The following DNAAF4 variants were observed in gnomAD, a reference collection of about 807,000 sequenced individuals.
The protein encoded by DNAAF4 is dynein axonemal assembly factor 4, also known as dynein assembly factor 4, axonemal.
In DNAAF4, 43 loss-of-function variants were observed where a neutral mutation model predicts 51.8. The observed-to-expected ratio is 0.83, with a 90% confidence interval of 0.65 to 1.07. The LOEUF (loss-of-function observed/expected upper bound fraction) is 1.07, where lower values mean the gene tolerates loss of function less well. Ranked by LOEUF, DNAAF4 falls within the 50% of genes least tolerant of loss-of-function variation. The pLI is 0.00. For synonymous variants in DNAAF4, 194 were observed against 165.6 expected, an observed-to-expected ratio of 1.17 and a Z score of -1.32; for missense variants, 581 against 493.0, an observed-to-expected ratio of 1.18 and a Z score of -1.69.
chr15:55,457,956 G>A (rs1439968089), intron 5 of DNAAF4, among the ~76,000 whole-genome samples: 2 of 152,158 alleles, frequency 1.3e-5, no homozygotes, highest in Non-Finnish European at 2.9e-5. Context: ...CTGCAGTCTG[G>A]CTCTCAGGAA....
rs374848879 is a variant in DNAAF4 at position 55,430,757 on chromosome 15, T to C, written c.1176A>G (p.Ala392=). The C allele has an allele frequency of 1.1e-5, 17 of 1,613,242 alleles. No homozygotes were observed. In the African/African-American group the frequency reaches 2.1e-4, roughly 20 times the overall value. ...TTTTGTTGGATGGATCAATCTTAAG[T>C]GCCGCTTCATAATCCTGTAGGCCTG... The part of the protein sequence containing the change: ...YVEGLQDYEA[A]LKIDPSNKIV... The change falls in exon 10 of 10, where the codon GCA becomes GCG. Residue 392 remains alanine, a synonymous_variant. Transcript: ENST00000321149.
intron 4 of DNAAF4, among the ~76,000 whole-genome samples, chr15:55,487,129 G>C (rs1277223987): frequency 2.6e-5 from 4 of 152,178 alleles, no homozygotes; most frequent in African/African-American, 7.2e-5. Flanking sequence ...GGGTCAAGTG[G>C]GGACTTGGAG....
chr15:55,433,922 AT>A (rs369892555), intron 8 of DNAAF4, among the ~76,000 whole-genome samples: 40 of 10,290 alleles, frequency 3.9e-3, no homozygotes, highest in East Asian at 0.014. Context: ...AATTATATAT[AT>A]TATATTATAT....
chr15:55,432,472 T>G, intron 9 of DNAAF4, 25 bp downstream of exon 9: 2 of 1,587,808 alleles, frequency 1.3e-6, no homozygotes, highest in Non-Finnish European at 1.7e-6. Context: ...ACTTGGGACT[T>G]AAACCATTTC....
In DNAAF4 at chr15:55,495,544, C is replaced by T. The variant is rs535055794; in HGVS notation, c.271+2168G>A. Among the ~76,000 whole-genome samples the T allele has an allele frequency of 5.9e-5, 9 of 152,164 alleles. No homozygotes were observed. In the East Asian group the frequency reaches 7.8e-4, roughly 13 times the overall value. ...TTGAGCCTAGGAGTTCAAGACCTAT[C>T]GGCAACATAGTGAGACCCTGTCTCT... On this transcript the variant is annotated intron_variant, in intron 3 of 9. Coordinates refer to ENST00000321149, the MANE Select transcript of DNAAF4 (RefSeq NM_130810.4).
chr15:55,442,374 C>T (rs183150745), intron 6 of DNAAF4, among the ~76,000 whole-genome samples: 1 of 152,312 alleles, frequency 6.6e-6, no homozygotes, highest in African/African-American at 2.4e-5. Flanking sequence ...CCGCCTTGGC[C>T]TCCTAAAGTG....
chr15:55,475,919 A>C (rs2058328903), intron 4 of DNAAF4, among the ~76,000 whole-genome samples: 1 of 152,128 alleles, frequency 6.6e-6, no homozygotes, highest in Non-Finnish European at 1.5e-5. Flanking sequence ...AATTTAATGG[A>C]AAGATTATGT....
At position 55,432,610 on chromosome 15, in the gene DNAAF4, A is replaced by AAT; in HGVS notation, c.1048-10_1048-9dup. On this transcript the variant is annotated splice_polypyrimidine_tract_variant and intron_variant, in intron 8 of 9. Transcript: ENST00000321149. ...CATCAATAATTCCAGTGCCTTACAA[A>AAT]ATATATATAATTATTACAAGAAAGT... 6.3e-7 allele frequency: 1 copy of AAT among 1,592,598 alleles called. No homozygotes were observed. The highest frequency in any genetic ancestry group is 8.6e-7 in the Non-Finnish European group (1 of 1,166,384).
chr15:55,428,231 G>C (rs2057449828), downstream of DNAAF4, among the ~76,000 whole-genome samples: 2 of 152,178 alleles, frequency 1.3e-5, no homozygotes, highest in South Asian at 2.1e-4. Context: ...TGGGATTATG[G>C]GCATGAGCCA....
intron 8 of DNAAF4, among the ~76,000 whole-genome samples, chr15:55,433,454 G>A (rs1374653415): frequency 1.3e-5 from 2 of 151,644 alleles, no homozygotes; most frequent in African/African-American, 4.8e-5. Flanking sequence ...GTGAAACCCC[G>A]TCTCTACTAA....
rs957130695 is a variant in DNAAF4 at position 55,430,369 on chromosome 15, G to A, written c.*301C>T. ...TTAAAAATTAATCAGTAAGTGTCCTGGTAACTATACCAAAACATATTTTGT... is the reference window on the plus strand; with the variant it reads ...TTAAAAATTAATCAGTAAGTGTCCTAGTAACTATACCAAAACATATTTTGT... On this transcript the variant is annotated 3_prime_UTR_variant, in exon 10 of 10. Coordinates refer to ENST00000321149, the MANE Select transcript of DNAAF4 (RefSeq NM_130810.4). 2 of 988,506 alleles carry A rather than the reference G, an allele frequency of 2.0e-6. No individual in the cohort carries two copies. The highest frequency in any genetic ancestry group is 2.4e-6 in the Non-Finnish European group (2 of 830,642). 61.2% of individuals were successfully genotyped at this position (988,506 alleles called of 1,614,324 possible). A position where few individuals can be genotyped will look rare whatever the true frequency, so the allele number is the denominator to read the frequency against.
At chr15:55,440,802 C>T (rs1490202874) in intron 6 of DNAAF4, among the ~76,000 whole-genome samples, 5 of 151,966 alleles carry the variant, frequency 3.3e-5, no homozygotes, top group African/African-American at 1.2e-4. Flanking sequence ...CTGCCTCAGC[C>T]TCCCAAATAG....
chr15:55,434,835 GATC>G, intron 8 of DNAAF4, 67 bp downstream of exon 8: 4 of 1,219,730 alleles, frequency 3.3e-6, no homozygotes, highest in Non-Finnish European at 4.4e-6. Flanking sequence ...AACAGAAAAA[GATC>G]ATCATTTAAA....
intron 7 of DNAAF4, among the ~76,000 whole-genome samples, chr15:55,419,532 C>G (rs1315038967): frequency 1.3e-5 from 2 of 152,086 alleles, no homozygotes. Context: ...GCCACACTGC[C>G]CAGCCAATTT....
chr15:55,491,086 T>C (rs776516127), intron 4 of DNAAF4, 37 bp downstream of exon 4: 2 of 1,612,332 alleles, frequency 1.2e-6, no homozygotes, highest in South Asian at 1.1e-5. Flanking sequence ...TCTACTATTA[T>C]CTCTTTAGAG....
At chr15:55,485,520 G>T (rs1168419966) in intron 4 of DNAAF4, among the ~76,000 whole-genome samples, 2 of 151,562 alleles carry the variant, frequency 1.3e-5, no homozygotes, top group Non-Finnish European at 2.9e-5. Context: ...AAGGTTTCTG[G>T]GTTTCAACTT....
intron 1 of DNAAF4, among the ~76,000 whole-genome samples, chr15:55,505,412 T>C (rs1429489376): frequency 1.3e-5 from 2 of 152,126 alleles, no homozygotes; most frequent in Non-Finnish European, 2.9e-5. Flanking sequence ...GCAATCCCAT[T>C]ACTGGGTATA....
intron 9 of DNAAF4, among the ~76,000 whole-genome samples, chr15:55,431,397 T>C (rs2057491959): frequency 6.7e-6 from 1 of 150,272 alleles, no homozygotes; most frequent in Admixed American, 6.7e-5. Flanking sequence ...CACAAATACA[T>C]ACATACATAC....
intron 7 of DNAAF4, chr15:55,418,500 A>G (rs1382577560): frequency 2.0e-6 from 3 of 1,527,746 alleles, no homozygotes; most frequent in Non-Finnish European, 2.6e-6. Flanking sequence ...TTTTATCAAA[A>G]TAACACTCTA....
Sources: gnomAD v4.1 joint callset for allele counts (sites outside exome capture counted in the v4.1 genomes callset) on GRCh38, gnomAD v4.1.1 for gene constraint, MANE v1.5 for transcripts, NCBI Gene and HGNC (gene_info 2026-07-23, HGNC 2026-07-21) for gene names.